Variants in ADD2 observed in about 807,000 individuals in gnomAD.
ADD2 encodes adducin 2.
In ADD2, 23 loss-of-function variants were observed where a neutral mutation model predicts 83.0. That is an observed-to-expected ratio of 0.28 (90% CI 0.20 to 0.39). The LOEUF (loss-of-function observed/expected upper bound fraction) is 0.39, where lower values mean the gene tolerates loss of function less well. Ranked by LOEUF, ADD2 falls within the 10% of genes least tolerant of loss-of-function variation. ADD2 has a pLI of 1.00. For synonymous variants in ADD2, 375 were observed against 375.4 expected, an observed-to-expected ratio of 1.00 and a Z score of 0.01; for missense variants, 758 against 944.9, an observed-to-expected ratio of 0.80 and a Z score of 2.59.
chr2:70,720,445 C>T (rs1319211831), intron 1 of ADD2, among the ~76,000 whole-genome samples: 3 of 152,054 alleles, frequency 2.0e-5, no homozygotes, highest in Non-Finnish European at 4.4e-5. Flanking sequence ...AACAGGATGG[C>T]AAAAATAGGA....
At chr2:70,672,152 C>T (rs1669921118) in intron 15 of ADD2, among the ~76,000 whole-genome samples, 1 of 152,200 alleles carries the variant, frequency 6.6e-6, no homozygotes, top group African/African-American at 2.4e-5. Flanking sequence ...CCCCATCTGA[C>T]AGTCAACAAA....
chr2:70,673,200 G>T (rs782725265), intron 14 of ADD2, 194 bp from the exon 15 acceptor site: 2 of 1,605,540 alleles, frequency 1.2e-6, no homozygotes, highest in South Asian at 1.1e-5. Context: ...AGGCCAATGG[G>T]AGAGGGTGGA....
At chr2:70,693,516 A>G (rs1671154003) in intron 6 of ADD2, among the ~76,000 whole-genome samples, 1 of 152,210 alleles carries the variant, frequency 6.6e-6, no homozygotes, top group Admixed American at 6.5e-5. Flanking sequence ...GCAGGGAGAC[A>G]GACTCTAATG....
intron 15 of ADD2, among the ~76,000 whole-genome samples, chr2:70,666,856 T>A (rs1553366216): frequency 6.6e-6 from 1 of 152,178 alleles, no homozygotes; most frequent in East Asian, 1.9e-4. Context: ...TTCCACATCA[T>A]GAATTGTTTG....
At chr2:70,731,428 TG>T (rs1553379268) in intron 1 of ADD2, among the ~76,000 whole-genome samples, 2 of 152,138 alleles carry the variant, frequency 1.3e-5, no homozygotes, top group South Asian at 2.1e-4. Context: ...GAAAGTTCAT[TG>T]GGGGACACTT....
intron 1 of ADD2, among the ~76,000 whole-genome samples, chr2:70,755,818 TG>T (rs1474744184): frequency 6.6e-6 from 1 of 152,056 alleles, no homozygotes; most frequent in African/African-American, 2.4e-5. Context: ...CCCAGCACTT[TG>T]GGAGGCCGAG....
intron 1 of ADD2, among the ~76,000 whole-genome samples, chr2:70,739,514 C>T (rs964086333): frequency 1.3e-5 from 2 of 152,188 alleles, no homozygotes; most frequent in Non-Finnish European, 2.9e-5. Context: ...CCATTTGACC[C>T]AGCAATCTTA....
intron 15 of ADD2, among the ~76,000 whole-genome samples, chr2:70,667,146 A>C (rs549458135): frequency 6.6e-6 from 1 of 152,254 alleles, no homozygotes; most frequent in East Asian, 1.9e-4. Context: ...TTCTAAGAAG[A>C]ACCTTTGACT....
chr2:70,664,758 A>T (rs112632887), intron 15 of ADD2, among the ~76,000 whole-genome samples: 2 of 146,702 alleles, frequency 1.4e-5, no homozygotes, highest in Admixed American at 1.3e-4. Flanking sequence ...TGGGTGTGTG[A>T]GGGTGTGCAA....
At chr2:70,708,797 T>C (rs1232482821) in intron 2 of ADD2, among the ~76,000 whole-genome samples, 2 of 152,234 alleles carry the variant, frequency 1.3e-5, no homozygotes, top group Admixed American at 1.3e-4. Context: ...CCTACTCTTG[T>C]GACAAGTAGC....
At chr2:70,669,578 C>T (rs1553366751) in intron 15 of ADD2, among the ~76,000 whole-genome samples, 1 of 152,228 alleles carries the variant, frequency 6.6e-6, no homozygotes, top group Non-Finnish European at 1.5e-5. Context: ...CCCAAATATA[C>T]TTTCAGTATC....
At chr2:70,679,007 C>T in intron 10 of ADD2, 46 bp from the exon 11 acceptor site, 1 of 1,547,882 alleles carries the variant, frequency 6.5e-7, no homozygotes, top group Non-Finnish European at 8.7e-7. Flanking sequence ...AGAAAAAAGG[C>T]CTGTACCTGC....
rs150703767 is a variant in ADD2 at position 70,704,372 on chromosome 2, C to T, written c.271G>A (p.Ala91Thr). The T allele has an allele frequency of 5.0e-6, 8 of 1,613,816 alleles. No individual in the cohort carries two copies. The highest frequency in any genetic ancestry group is 2.7e-5 in the African/African-American group (2 of 74,888). The change falls in exon 4 of 16, where the codon GCG becomes ACG. Residue 91 changes from alanine to threonine, a missense_variant. Ala to Thr is a moderately conservative substitution (Grantham distance 58). Transcript: ENST00000264436. ...TGGGAGGTGCTGGCCATGAAGTCCG[C>T]GATCTGTCGCAGGGCCCAGATGTTG... ...SSNIWALRQI[A>T]DFMASTSHAV...
At chr2:70,708,956 T>A (rs1041701403) in intron 2 of ADD2, among the ~76,000 whole-genome samples, 1 of 152,226 alleles carries the variant, frequency 6.6e-6, no homozygotes, top group Admixed American at 6.5e-5. Context: ...ACTTTCCTTT[T>A]TCTGTCCATA....
At chr2:70,679,305 C>T (rs1180053878) in intron 10 of ADD2, among the ~76,000 whole-genome samples, 1 of 152,174 alleles carries the variant, frequency 6.6e-6, no homozygotes, top group South Asian at 2.1e-4. Context: ...ACTAGAATCA[C>T]GGGGGGAGCT....
chr2:70,687,593 A>AAAACAAACAAAC lies in ADD2; in HGVS notation c.948+419_948+430dup, dbSNP rs56727401. 5.4e-5 allele frequency among the ~76,000 whole-genome samples: 8 copies of AAAACAAACAAAC among 149,408 alleles called. No homozygotes were observed. In the Admixed American group the frequency reaches 5.4e-4, roughly 10 times the overall value. On this transcript the variant is annotated intron_variant, in intron 9 of 15. Coordinates refer to ENST00000264436, the MANE Select transcript of ADD2 (RefSeq NM_001617.4). ...CTTTGCAAACCAACCCCCTCCCCTC[A>AAAACAAACAAAC]AAACAAACAAACAAACAAACAAACA...
At chr2:70,722,661 A>C (rs782138905) in intron 1 of ADD2, among the ~76,000 whole-genome samples, 1 of 152,184 alleles carries the variant, frequency 6.6e-6, no homozygotes, top group Non-Finnish European at 1.5e-5. Flanking sequence ...AGGCAGACTG[A>C]TGTGCATAGC....
intron 7 of ADD2, 93 bp from the exon 8 acceptor site, chr2:70,691,022 G>T (rs1001389430): frequency 1.0e-5 from 15 of 1,435,588 alleles, no homozygotes; most frequent in Non-Finnish European, 1.2e-5. Context: ...GGCCAGTGAG[G>T]GGTGAGGGGT....
intron 10 of ADD2, among the ~76,000 whole-genome samples, chr2:70,683,266 A>T (rs1033478429): frequency 3.3e-5 from 5 of 151,892 alleles, no homozygotes; most frequent in African/African-American, 1.2e-4. Context: ...TGACCTTGTG[A>T]TCTGCCTGCC....
Sources: gnomAD v4.1 joint callset for allele counts (sites outside exome capture counted in the v4.1 genomes callset) on GRCh38, gnomAD v4.1.1 for gene constraint, MANE v1.5 for transcripts, NCBI Gene and HGNC (gene_info 2026-07-23, HGNC 2026-07-21) for gene names.